Variants in LRRC75A observed in about 807,000 individuals in gnomAD.
LRRC75A encodes the protein leucine-rich repeat-containing protein 75A.
LRRC75A carries 12 observed loss-of-function variants against 26.0 expected under a neutral mutation model. That is an observed-to-expected ratio of 0.46 (90% CI 0.30 to 0.75). The LOEUF (loss-of-function observed/expected upper bound fraction) is 0.75, where lower values mean the gene tolerates loss of function less well. Among genes scored for constraint, LRRC75A ranks in the 30% least tolerant of loss-of-function variants. The probability of loss-of-function intolerance (pLI) is 0.08; values close to 1 mark genes in which losing one functional copy is unlikely to be tolerated. For synonymous variants in LRRC75A, 223 were observed against 219.3 expected (o/e 1.02, Z -0.15); for missense variants, 410 against 486.6 (o/e 0.84, Z 1.48).
intron 2 of LRRC75A, among the ~76,000 whole-genome samples, chr17:16,456,397 AAGGAGGAAGAGGAGG>A (rs1383733393): frequency 1.9e-5 from 2 of 105,372 alleles, no homozygotes; most frequent in South Asian, 3.7e-4. Flanking sequence ...GAAGAAGGAA[AAGGAGGAAGAGGAGG>A]AGGAGGAAGA....
chr17:16,466,696 G>A (rs2093771741), intron 1 of LRRC75A, among the ~76,000 whole-genome samples: 2 of 152,130 alleles, frequency 1.3e-5, no homozygotes, highest in Admixed American at 1.3e-4. Context: ...CCAGCACACA[G>A]CAGCACACGG....
In LRRC75A at chr17:16,447,871, C is replaced by A; in HGVS notation, c.465G>T (p.Gly155=). 1 of 1,548,184 alleles carries A rather than the reference C, an allele frequency of 6.5e-7. No homozygotes were observed. The highest frequency in any genetic ancestry group is 1.4e-5 in the African/African-American group (1 of 73,092). ...SPHSQWRRHR[G]LVKRKPQACL... is the part of the protein sequence containing the mutation. ...AGGCCTGTGGCTTCCTTTTCACCAGCCCCCGGTGCCGCCTCCACTGGGAGT... is the reference window on the plus strand; with the variant it reads ...AGGCCTGTGGCTTCCTTTTCACCAGACCCCGGTGCCGCCTCCACTGGGAGT... The change falls in exon 3 of 4, where the codon GGG becomes GGT. Residue 155 remains glycine, a synonymous_variant. Transcript: ENST00000470794.
intron 3 of LRRC75A, among the ~76,000 whole-genome samples, chr17:16,444,916 T>G (rs1265905940): frequency 6.6e-6 from 1 of 150,892 alleles, no homozygotes; most frequent in African/African-American, 2.4e-5. Context: ...TGGCACGATC[T>G]TGGTTCACTG....
chr17:16,476,731 GA>G (rs2093820572), intron 1 of LRRC75A, among the ~76,000 whole-genome samples: 1 of 110,350 alleles, frequency 9.1e-6, no homozygotes, highest in African/African-American at 3.7e-5. Flanking sequence ...ATGCCTGGCT[GA>G]TTTTTTTTTT....
intron 1 of LRRC75A, among the ~76,000 whole-genome samples, chr17:16,465,447 G>A (rs776520245): frequency 3.3e-5 from 5 of 152,216 alleles, no homozygotes; most frequent in Admixed American, 3.3e-4. Flanking sequence ...CAGGGGCTGC[G>A]GTAGACGAGA....
rs529018556 is a variant in LRRC75A, at chr17:16,447,867, C to T, written c.469G>A (p.Val157Met). The change falls in exon 3 of 4, where the codon GTG becomes ATG. Residue 157 changes from valine to methionine, a missense_variant. Val to Met is a conservative substitution (Grantham distance 21). Coordinates refer to ENST00000470794, the MANE Select transcript of LRRC75A (RefSeq NM_001113567.3). ...HSQWRRHRGL[V>M]KRKPQACLKA... is the part of the protein sequence containing the mutation. ...CACCAGGCCTGTGGCTTCCTTTTCA[C>T]CAGCCCCCGGTGCCGCCTCCACTGG... 27 of 1,548,318 alleles carry T rather than the reference C, an allele frequency of 1.7e-5. No homozygotes were observed. The African/African-American group carries it at 3.1e-4, about 18-fold the overall frequency.
chr17:16,479,057 C>T (rs1050513582), intron 1 of LRRC75A, among the ~76,000 whole-genome samples: 2 of 152,196 alleles, frequency 1.3e-5, no homozygotes, highest in Non-Finnish European at 1.5e-5. Context: ...CTGCAGGGTC[C>T]GGGGCTCATG....
chr17:16,475,272 T>G (rs956979059), intron 1 of LRRC75A, among the ~76,000 whole-genome samples: 1 of 152,100 alleles, frequency 6.6e-6, no homozygotes, highest in Non-Finnish European at 1.5e-5. Context: ...AAGTTAAGTA[T>G]TAGCCAGGGT....
chr17:16,476,946 G>A (rs946002766), intron 1 of LRRC75A, among the ~76,000 whole-genome samples: 17 of 151,366 alleles, frequency 1.1e-4, no homozygotes, highest in African/African-American at 3.4e-4. Context: ...CACCGTGTTA[G>A]CCAGGATGGT....
intron 1 of LRRC75A, among the ~76,000 whole-genome samples, chr17:16,477,257 C>A (rs2093823417): frequency 6.6e-6 from 1 of 152,226 alleles, no homozygotes; most frequent in Admixed American, 6.5e-5. Flanking sequence ...AAATTGGGCA[C>A]CACAACCTAG....
intron 2 of LRRC75A, 121 bp from the exon 3 acceptor site, chr17:16,448,081 G>C: frequency 1.2e-6 from 1 of 866,966 alleles, no homozygotes; most frequent in Non-Finnish European, 1.9e-6. Flanking sequence ...GGGAGGCCCT[G>C]CTCTGCTGGC....
intron 1 of LRRC75A, among the ~76,000 whole-genome samples, chr17:16,469,868 G>A (rs1288001282): frequency 6.6e-6 from 1 of 152,160 alleles, no homozygotes; most frequent in Non-Finnish European, 1.5e-5. Flanking sequence ...GAAGGGAGAG[G>A]GGAGTGGAAG....
chr17:16,458,734 G>A (rs186859461), intron 2 of LRRC75A, among the ~76,000 whole-genome samples: 112 of 152,100 alleles, frequency 7.4e-4, no homozygotes, highest in African/African-American at 2.7e-3. Flanking sequence ...CAAAGTGCTC[G>A]GTGGCCTCCC....
At chr17:16,477,797 G>A (rs1166120383) in intron 1 of LRRC75A, among the ~76,000 whole-genome samples, 1 of 152,100 alleles carries the variant, frequency 6.6e-6, no homozygotes, top group East Asian at 1.9e-4. Context: ...TGGAAAATCA[G>A]CGAGGCTTCC....
chr17:16,448,384 C>T, intron 2 of LRRC75A: 1 of 213,446 alleles, frequency 4.7e-6, no homozygotes, highest in Non-Finnish European at 9.7e-6. Context: ...AGGATATGGC[C>T]ATGAACAAAT....
chr17:16,453,057 G>A (rs1420288577), intron 2 of LRRC75A, among the ~76,000 whole-genome samples: 1 of 152,090 alleles, frequency 6.6e-6, no homozygotes, highest in Non-Finnish European at 1.5e-5. Flanking sequence ...TTGGGAGGCC[G>A]AGGCAGGCGG....
chr17:16,456,937 T>C (rs2093690277), intron 2 of LRRC75A, among the ~76,000 whole-genome samples: 1 of 152,222 alleles, frequency 6.6e-6, no homozygotes, highest in South Asian at 2.1e-4. Flanking sequence ...CAAGTGACTA[T>C]GAGTGCAGGT....
intron 1 of LRRC75A, among the ~76,000 whole-genome samples, chr17:16,477,311 C>T (rs1558244): frequency 0.69 from 105,553 of 152,216 alleles, 38,157 homozygotes; most frequent in African/African-American, 0.89. Context: ...TAAGCGTCTT[C>T]ACCACTTTAA....
At position 16,477,462 on chromosome 17, in the gene LRRC75A, A is replaced by G. The variant is rs1015860346; in HGVS notation, c.246+14283T>C. Among the ~76,000 whole-genome samples, 106 of 152,322 alleles carry G rather than the reference A, an allele frequency of 7.0e-4. 1 individual carries two copies. The highest frequency in any genetic ancestry group is 2.5e-3 in the African/African-American group (103 of 41,586). ...CCAGCTCCAATCCAGCTAGCTTTCA[A>G]CTTCAGGCAGGAAGGGGAGACCAGG... On this transcript the variant is annotated intron_variant, in intron 1 of 3. Coordinates refer to ENST00000470794, the MANE Select transcript of LRRC75A (RefSeq NM_001113567.3).
Sources: allele counts gnomAD v4.1 joint callset (sites outside exome capture counted in the v4.1 genomes callset), GRCh38; gene constraint gnomAD v4.1.1; transcripts MANE v1.5; gene names NCBI Gene and HGNC (gene_info 2026-07-23, HGNC 2026-07-21).